LIPA: variants seen among roughly 807,000 people sequenced by gnomAD.
The protein encoded by LIPA is lipase A, lysosomal acid type.
LIPA carries 26 observed loss-of-function variants against 40.6 expected under a neutral mutation model. The observed-to-expected ratio is 0.64, with a 90% confidence interval of 0.47 to 0.89. The LOEUF (loss-of-function observed/expected upper bound fraction) is 0.89, where lower values mean the gene tolerates loss of function less well. Among genes scored for constraint, LIPA ranks in the 40% least tolerant of loss-of-function variants. The pLI, the probability that LIPA is intolerant of heterozygous loss-of-function variation, is 0.00. For synonymous variants in LIPA, 188 were observed against 168.4 expected (o/e 1.12, Z -0.90); for missense variants, 455 against 479.6 (o/e 0.95, Z 0.48).
chr10:89,335,794 T>A (rs1388084251), intron 1 of LIPA, among the ~76,000 whole-genome samples: 1 of 152,204 alleles, frequency 6.6e-6, no homozygotes, highest in Non-Finnish European at 1.5e-5. Flanking sequence ...AATTCACACA[T>A]CAGCAAAGTT....
At chr10:89,261,474 C>T in intron 1 of LIPA, among the ~76,000 whole-genome samples, 1 of 151,992 alleles carries the variant, frequency 6.6e-6, no homozygotes, top group Admixed American at 6.6e-5. Context: ...CATTGCACTC[C>T]AGCCGGGGTG....
At chr10:89,323,918 A>G (rs1403261254) in intron 1 of LIPA, among the ~76,000 whole-genome samples, 2 of 152,246 alleles carry the variant, frequency 1.3e-5, no homozygotes, top group African/African-American at 4.8e-5. Flanking sequence ...TAGAATTAGA[A>G]AAACCTATTT....
intron 3 of LIPA, among the ~76,000 whole-genome samples, chr10:89,235,546 T>G (rs1332222359): frequency 6.6e-6 from 1 of 152,188 alleles, no homozygotes; most frequent in Non-Finnish European, 1.5e-5. Context: ...GCTCCGAAAC[T>G]GAATGTGCTG....
intron 1 of LIPA, among the ~76,000 whole-genome samples, chr10:89,272,340 C>T (rs1300882613): frequency 1.3e-5 from 2 of 151,952 alleles, no homozygotes; most frequent in Non-Finnish European, 2.9e-5. Context: ...TAAGTGAGAA[C>T]ATGCGGTATT....
At chr10:89,233,533 T>C (rs538609608) in intron 3 of LIPA, among the ~76,000 whole-genome samples, 96 of 152,334 alleles carry the variant, frequency 6.3e-4, no homozygotes, top group African/African-American at 2.3e-3. Context: ...CGTGCAAACC[T>C]TTAGTGGTGC....
chr10:89,391,182 G>A (rs1028550792), intron 2 of LIPA, among the ~76,000 whole-genome samples: 4 of 152,274 alleles, frequency 2.6e-5, no homozygotes, highest in East Asian at 1.9e-4. Context: ...GACAAAGTAG[G>A]TAGGTTTTTT....
intron 2 of LIPA, among the ~76,000 whole-genome samples, chr10:89,373,924 A>C (rs1844106729): frequency 6.6e-6 from 1 of 152,222 alleles, no homozygotes; most frequent in Admixed American, 6.5e-5. Context: ...AGTGGTTTTA[A>C]ACCATGCACA....
intron 1 of LIPA, chr10:89,292,027 T>C (rs1349563067): frequency 1.3e-5 from 2 of 152,210 alleles, no homozygotes; most frequent in Non-Finnish European, 2.9e-5. Flanking sequence ...AAGAACTCTG[T>C]GTCCTTGAAT....
intron 1 of LIPA, among the ~76,000 whole-genome samples, chr10:89,280,343 A>C (rs1287404435): frequency 2.6e-5 from 4 of 152,232 alleles, no homozygotes; most frequent in Non-Finnish European, 5.9e-5. Flanking sequence ...AGTCAGGTAA[A>C]AAGTGAACGT....
At chr10:89,327,128 A>T (rs1020303247) in intron 1 of LIPA, among the ~76,000 whole-genome samples, 2 of 152,252 alleles carry the variant, frequency 1.3e-5, no homozygotes, top group East Asian at 3.8e-4. Context: ...ATCCAATAGA[A>T]ATTCAATAGA....
chr10:89,306,723 T>C (rs1220438044), intron 1 of LIPA: 11 of 1,614,068 alleles, frequency 6.8e-6, no homozygotes, highest in Non-Finnish European at 8.5e-6. Flanking sequence ...GCAGCCAAGT[T>C]TTATCGAAGA....
intron 2 of LIPA, among the ~76,000 whole-genome samples, chr10:89,365,820 T>C (rs1414598649): frequency 2.0e-5 from 3 of 152,244 alleles, no homozygotes; most frequent in Non-Finnish European, 4.4e-5. Flanking sequence ...ATCTCTGTTT[T>C]GGTAAAAGTA....
chr10:89,389,577 A>T (rs1009288217), intron 2 of LIPA, among the ~76,000 whole-genome samples: 3 of 152,210 alleles, frequency 2.0e-5, no homozygotes, highest in Non-Finnish European at 4.4e-5. Context: ...ACAAGAGATG[A>T]CCCTGGAAAA....
chr10:89,406,716 G>A (rs1841415215), intron 2 of LIPA, among the ~76,000 whole-genome samples: 1 of 152,080 alleles, frequency 6.6e-6, no homozygotes, highest in Non-Finnish European at 1.5e-5. Context: ...TCTGAACATT[G>A]AAAGGAACAA....
chr10:89,282,114 C>T (rs1443091183), intron 1 of LIPA, among the ~76,000 whole-genome samples: 1 of 152,154 alleles, frequency 6.6e-6, no homozygotes, highest in Non-Finnish European at 1.5e-5. Flanking sequence ...AACCTCAGAC[C>T]TAGACTGGTT....
intron 1 of LIPA, among the ~76,000 whole-genome samples, chr10:89,304,522 G>C (rs1334528839): frequency 6.6e-6 from 1 of 152,024 alleles, no homozygotes; most frequent in East Asian, 1.9e-4. Context: ...TGACATTCCA[G>C]ATATCTATTG....
At chr10:89,312,821 T>A (rs111641453) in intron 1 of LIPA, among the ~76,000 whole-genome samples, 3,541 of 148,924 alleles carry the variant, frequency 0.024, 40 homozygotes, top group South Asian at 0.038. Context: ...AAAAAAAAAA[T>A]AATAATAATA....
chr10:89,298,340 T>C (rs1843427189), intron 1 of LIPA, among the ~76,000 whole-genome samples: 1 of 152,100 alleles, frequency 6.6e-6, no homozygotes, highest in Admixed American at 6.6e-5. Context: ...GCAACCCTGT[T>C]CCCAGTAAAA....
chr10:89,227,401 C>T (rs1842783488), intron 4 of LIPA, among the ~76,000 whole-genome samples: 1 of 152,186 alleles, frequency 6.6e-6, no homozygotes, highest in South Asian at 2.1e-4. Flanking sequence ...GGGTAGTTTC[C>T]TGTTTTCCGT....
Sources: gnomAD v4.1 joint callset for allele counts (sites outside exome capture counted in the v4.1 genomes callset) on GRCh38, gnomAD v4.1.1 for gene constraint, MANE v1.5 for transcripts, NCBI Gene and HGNC (gene_info 2026-07-23, HGNC 2026-07-21) for gene names.